NSMAF: variants seen among roughly 807,000 people sequenced by gnomAD.
NSMAF encodes protein FAN.
In NSMAF, 90 loss-of-function variants were observed where a neutral mutation model predicts 134.9. The observed-to-expected ratio is 0.67, with a 90% CI of 0.56 to 0.79. The LOEUF is 0.79. NSMAF is among the 30% of genes least tolerant of loss of function. NSMAF has a pLI of 0.00. For synonymous variants in NSMAF, 358 were observed against 389.6 expected, an observed-to-expected ratio of 0.92 and a Z score of 0.96; for missense variants, 1,010 against 1,119.0, an observed-to-expected ratio of 0.90 and a Z score of 1.39.
chr8:58,654,684 G>A (rs1206016198), intron 1 of NSMAF, among the ~76,000 whole-genome samples: 4 of 152,134 alleles, frequency 2.6e-5, no homozygotes, highest in Non-Finnish European at 4.4e-5. Context: ...ACCAAATACA[G>A]AATTCAAGAT....
chr8:58,642,898 A>G, intron 2 of NSMAF, 86 bp downstream of exon 2: 1 of 959,000 alleles, frequency 1.0e-6, no homozygotes, highest in Non-Finnish European at 1.7e-6. Flanking sequence ...TTCTTTAGTT[A>G]ACACCTATAT....
chr8:58,589,530 C>T lies in NSMAF; in HGVS notation c.2133G>A (p.Met711Ile). ...TCTTACTAACAGCATCATCATGTCC[C>T]ATTAACGTGTCCTGGCGTCTTCCAA... is the stretch of plus-strand genomic sequence containing the variant. ...IAFGRRQDTL[M>I]GHDDAVSKIC... Residue 711 changes from methionine to isoleucine, a missense_variant, in exon 26 of 31, where the codon ATG becomes ATA. Physicochemically the swap from Met to Ile is conservative, Grantham distance 10. Transcript: ENST00000038176. The T allele has an allele frequency of 1.3e-6, 2 of 1,573,418 alleles. No individual in the cohort carries two copies. Among genetic ancestry groups the T allele is most frequent in the Non-Finnish European group, 1.7e-6 (2 of 1,167,594 alleles).
intron 5 of NSMAF, among the ~76,000 whole-genome samples, chr8:58,632,052 C>T (rs1807066973): frequency 6.6e-6 from 1 of 152,156 alleles, no homozygotes; most frequent in African/African-American, 2.4e-5. Flanking sequence ...CATCAATCTC[C>T]TTGTACCTGT....
chr8:58,615,018 A>G (rs868151098), intron 9 of NSMAF, among the ~76,000 whole-genome samples: 3 of 152,210 alleles, frequency 2.0e-5, no homozygotes, highest in South Asian at 4.1e-4. Flanking sequence ...TGTATCATGC[A>G]ATCACAACAC....
intron 13 of NSMAF, 73 bp from the exon 14 acceptor site, chr8:58,602,210 A>C: frequency 8.5e-7 from 1 of 1,176,726 alleles, no homozygotes; most frequent in Non-Finnish European, 1.2e-6. Flanking sequence ...ATTCAAATAT[A>C]CACATTTACT....
intron 6 of NSMAF, among the ~76,000 whole-genome samples, chr8:58,625,961 C>T (rs1029726162): frequency 5.3e-5 from 8 of 151,784 alleles, no homozygotes; most frequent in Non-Finnish European, 1.2e-4. Flanking sequence ...TTTTTGGTTA[C>T]ATAAATAAGT....
chr8:58,605,138 A>G (rs1806374699), intron 12 of NSMAF, among the ~76,000 whole-genome samples: 1 of 152,238 alleles, frequency 6.6e-6, no homozygotes, highest in African/African-American at 2.4e-5. Context: ...TAATAAAAAA[A>G]CTTTGGGCTT....
chr8:58,601,271 C>T lies in NSMAF; in HGVS notation c.1280+14G>A. ...AAAGTGTTAAAAATGATAAGCAAGG[C>T]ATTTGTATCAAACCTGTTGAACATT... On this transcript the variant is annotated intron_variant, in intron 16 of 30. Transcript: ENST00000038176. The T allele has an allele frequency of 6.2e-7, 1 of 1,603,046 alleles. No homozygotes were observed. The highest frequency in any genetic ancestry group is 1.7e-4 in the Middle Eastern group (1 of 6,046).
chr8:58,594,168 A>C, intron 23 of NSMAF, 64 bp downstream of exon 23: 1 of 1,433,948 alleles, frequency 7.0e-7, no homozygotes, highest in South Asian at 1.2e-5. Context: ...CCACGAGCTA[A>C]ATAATAAAGA....
intron 1 of NSMAF, among the ~76,000 whole-genome samples, chr8:58,646,491 T>C (rs1807455599): frequency 6.6e-6 from 1 of 152,236 alleles, no homozygotes; most frequent in Non-Finnish European, 1.5e-5. Context: ...GAATTAATTA[T>C]AGCCTCCTTA....
At chr8:58,635,639 G>A (rs1296866400) in intron 2 of NSMAF, 93 bp from the exon 3 acceptor site, 14 of 740,822 alleles carry the variant, frequency 1.9e-5, no homozygotes, top group East Asian at 1.0e-4. Context: ...GGTTACTAAA[G>A]CATCACATAA....
intron 9 of NSMAF, among the ~76,000 whole-genome samples, chr8:58,622,802 G>A (rs556542601): frequency 2.0e-5 from 3 of 152,182 alleles, no homozygotes; most frequent in East Asian, 3.9e-4. Flanking sequence ...TAAAGTGCTG[G>A]GATTATAGGC....
chr8:58,645,732 A>G (rs1807433277), intron 1 of NSMAF, among the ~76,000 whole-genome samples: 1 of 152,114 alleles, frequency 6.6e-6, no homozygotes, highest in Admixed American at 6.6e-5. Context: ...TAACACCAGA[A>G]GAGATGCTCA....
chr8:58,659,181 G>C, intron 1 of NSMAF: 1 of 1,416,894 alleles, frequency 7.1e-7, no homozygotes, highest in Non-Finnish European at 9.1e-7. Flanking sequence ...GTGCCCGCCG[G>C]GCAGCGTACT....
chr8:58,599,622 G>A, intron 18 of NSMAF, 128 bp downstream of exon 18: 1 of 1,039,232 alleles, frequency 9.6e-7, no homozygotes, highest in Middle Eastern at 2.4e-4. Flanking sequence ...ATATGGAATA[G>A]GGCTCATATA....
At chr8:58,653,649 C>T (rs1413039863) in intron 1 of NSMAF, among the ~76,000 whole-genome samples, 1 of 151,300 alleles carries the variant, frequency 6.6e-6, no homozygotes, top group African/African-American at 2.4e-5. Context: ...TTACTGAATA[C>T]AAGTTAAAAA....
intron 6 of NSMAF, among the ~76,000 whole-genome samples, chr8:58,626,837 T>C (rs150953038): frequency 6.6e-6 from 1 of 152,346 alleles, no homozygotes; most frequent in East Asian, 1.9e-4. Flanking sequence ...AGTGTAAAAG[T>C]GCTCCCTTTT....
intron 1 of NSMAF, chr8:58,659,062 G>A (rs901483045): frequency 4.2e-6 from 3 of 715,156 alleles, no homozygotes; most frequent in African/African-American, 3.8e-5. Flanking sequence ...AAAAAGGCGC[G>A]GCAATGCGAG....
intron 23 of NSMAF, 136 bp downstream of exon 23, chr8:58,594,096 C>T (rs1806078362): frequency 1.2e-5 from 8 of 668,876 alleles, no homozygotes; most frequent in South Asian, 5.8e-5. Flanking sequence ...TGTAATGTAC[C>T]ACAAAGGAAC....
Sources: gnomAD v4.1 joint callset for allele counts (sites outside exome capture counted in the v4.1 genomes callset) on GRCh38, gnomAD v4.1.1 for gene constraint, MANE v1.5 for transcripts, NCBI Gene and HGNC (gene_info 2026-07-23, HGNC 2026-07-21) for gene names.